The following CSPP1 variants were observed in gnomAD, a reference collection of about 807,000 sequenced individuals.
CSPP1 encodes centrosome and spindle pole-associated protein 1.
In CSPP1, 126 loss-of-function variants were observed where a neutral mutation model predicts 164.4. That is an observed-to-expected ratio of 0.77 (90% CI 0.66 to 0.89). The LOEUF (loss-of-function observed/expected upper bound fraction) is 0.89, where lower values mean the gene tolerates loss of function less well. Ranked by LOEUF, CSPP1 falls within the 40% of genes least tolerant of loss-of-function variation. The pLI is 0.00. For missense variants in CSPP1, 1,395 were observed against 1,449.8 expected (o/e 0.96, Z 0.61); for synonymous variants, 472 against 476.7 (o/e 0.99, Z 0.13).
intron 24 of CSPP1, 65 bp downstream of exon 24, chr8:67,164,573 A>G: frequency 1.3e-6 from 1 of 743,088 alleles, no homozygotes; most frequent in East Asian, 2.5e-5. Context: ...CCTATCCAGT[A>G]ATTTTGTAGT....
chr8:67,133,401 A>C (rs922452769), intron 16 of CSPP1, among the ~76,000 whole-genome samples: 1 of 152,230 alleles, frequency 6.6e-6, no homozygotes, highest in Non-Finnish European at 1.5e-5. Context: ...ATCACAATGA[A>C]ATGATTCACA....
chr8:67,075,996 T>G (rs950154840), intron 2 of CSPP1, among the ~76,000 whole-genome samples: 1 of 152,306 alleles, frequency 6.6e-6, no homozygotes, highest in Middle Eastern at 3.4e-3. Context: ...AATTTGTACA[T>G]AAATAATTTT....
rs376210928 is a variant in CSPP1, at chr8:67,137,574, C to T, written c.1946C>T (p.Pro649Leu). ...TGGGGAAAAGGTGGAGGTGGTGCTC[C>T]TCTCAGGGATGCAAAAGGAAATCTG... ...NPWGKGGGGA[P>L]LRDAKGNLIT... is the part of the protein sequence containing the mutation. The change falls in exon 17 of 31, where the codon CCT becomes CTT. Residue 649 changes from proline to leucine, a missense_variant. Physicochemically the swap from Pro to Leu is moderately conservative, Grantham distance 98. Coordinates refer to ENST00000678616, the MANE Select transcript of CSPP1 (RefSeq NM_001382391.1). 46 of 1,569,934 alleles carry T rather than the reference C, an allele frequency of 2.9e-5. No homozygotes were observed. The highest frequency in any genetic ancestry group is 3.7e-5 in the Non-Finnish European group (43 of 1,161,908).
intron 27 of CSPP1, among the ~76,000 whole-genome samples, chr8:67,179,080 T>TC (rs1832369594): frequency 6.6e-6 from 1 of 152,284 alleles, no homozygotes; most frequent in Admixed American, 6.5e-5. Context: ...TGCTGGAGTG[T>TC]CCTACTGAAG....
intron 24 of CSPP1, among the ~76,000 whole-genome samples, chr8:67,171,617 G>T (rs1201991992): frequency 6.7e-6 from 1 of 149,382 alleles, no homozygotes; most frequent in East Asian, 2.0e-4. Flanking sequence ...GCGTGATCTT[G>T]GCTCACCACA....
At chr8:67,071,954 CATAAA>C (rs961002583) in intron 1 of CSPP1, among the ~76,000 whole-genome samples, 1 of 152,102 alleles carries the variant, frequency 6.6e-6, no homozygotes. Context: ...TAAAAGGAAA[CATAAA>C]AGAAAATATT....
chr8:67,190,795 G>C lies in CSPP1; in HGVS notation c.3330+36G>C, dbSNP rs768515429. 6.2e-6 allele frequency: 9 copies of C among 1,452,176 alleles called. No homozygotes were observed. In the South Asian group the frequency reaches 9.1e-5, roughly 15 times the overall value. The allele number at this position is 1,452,176 out of a possible 1,614,324, so 90.0% of individuals were successfully genotyped here. A position where few individuals can be genotyped will look rare whatever the true frequency, so the allele number is the denominator to read the frequency against. ...GACTTTTCTCCCCCTTTTCAACTTA[G>C]AAGAATGAGAGGTCTGGGTTCTGAC... On this transcript the variant is annotated intron_variant, in intron 29 of 30. Transcript: ENST00000678616.
At chr8:67,081,632 CAAT>C (rs1220165001) in intron 3 of CSPP1, among the ~76,000 whole-genome samples, 3 of 152,174 alleles carry the variant, frequency 2.0e-5, no homozygotes, top group Non-Finnish European at 4.4e-5. Context: ...GTATTATTAA[CAAT>C]AATCAATATT....
At chr8:67,108,112 T>C (rs1816016540) in intron 9 of CSPP1, among the ~76,000 whole-genome samples, 1 of 151,752 alleles carries the variant, frequency 6.6e-6, no homozygotes, top group South Asian at 2.1e-4. Context: ...CATTTAAGGT[T>C]GGGTGTGGTG....
At chr8:67,169,580 C>T (rs1259399507) in intron 24 of CSPP1, among the ~76,000 whole-genome samples, 2 of 152,006 alleles carry the variant, frequency 1.3e-5, no homozygotes, top group African/African-American at 4.8e-5. Context: ...GCTGGGATTA[C>T]AAGTGCCCAC....
chr8:67,068,824 AC>A (rs990411598), intron 1 of CSPP1, among the ~76,000 whole-genome samples: 4 of 152,248 alleles, frequency 2.6e-5, no homozygotes, highest in African/African-American at 4.8e-5. Context: ...CAAGACAAAA[AC>A]ATTCCATCAG....
At chr8:67,117,458 AT>A (rs1376503472) in intron 13 of CSPP1, among the ~76,000 whole-genome samples, 5 of 152,186 alleles carry the variant, frequency 3.3e-5, no homozygotes, top group South Asian at 2.1e-4. Flanking sequence ...TGCCTTTGCC[AT>A]TTTTACTACT....
intron 4 of CSPP1, among the ~76,000 whole-genome samples, chr8:67,089,792 A>T (rs1245717062): frequency 6.6e-6 from 1 of 151,686 alleles, no homozygotes; most frequent in Non-Finnish European, 1.5e-5. Flanking sequence ...TTTTTTTAAG[A>T]ATTAAAGTTT....
intron 9 of CSPP1, among the ~76,000 whole-genome samples, chr8:67,109,194 C>G (rs529587408): frequency 6.6e-6 from 1 of 152,272 alleles, no homozygotes; most frequent in South Asian, 2.1e-4. Flanking sequence ...TAAGCTAATT[C>G]AGGTTGTTGG....
chr8:67,111,560 C>A (rs1027911223), intron 9 of CSPP1, among the ~76,000 whole-genome samples: 4 of 152,086 alleles, frequency 2.6e-5, no homozygotes. Flanking sequence ...GATTTTGAGG[C>A]TCCAGTATTG....
intron 23 of CSPP1, 36 bp from the exon 24 acceptor site, chr8:67,164,355 C>A: frequency 1.0e-6 from 1 of 962,656 alleles, no homozygotes; most frequent in South Asian, 1.3e-5. Flanking sequence ...GTTCTTATTC[C>A]TGTCTTGTGT....
intron 15 of CSPP1, among the ~76,000 whole-genome samples, chr8:67,127,295 A>G (rs1366868767): frequency 1.3e-5 from 2 of 152,204 alleles, no homozygotes; most frequent in South Asian, 2.1e-4. Context: ...TTGGAGACAT[A>G]GAAGTCCAGG....
intron 4 of CSPP1, among the ~76,000 whole-genome samples, chr8:67,088,832 G>C (rs1161244576): frequency 6.6e-6 from 1 of 151,240 alleles, no homozygotes; most frequent in Non-Finnish European, 1.5e-5. Context: ...TGGAGGCGGA[G>C]CTTGCAGTGA....
chr8:67,104,260 GTTTT>G (rs374929933), intron 8 of CSPP1, among the ~76,000 whole-genome samples: 1 of 140,876 alleles, frequency 7.1e-6, no homozygotes, highest in Non-Finnish European at 1.6e-5. Flanking sequence ...TCCAAGAAAG[GTTTT>G]TTTTTTTTTT....
Sources: gnomAD v4.1 joint callset for allele counts (sites outside exome capture counted in the v4.1 genomes callset) on GRCh38, gnomAD v4.1.1 for gene constraint, MANE v1.5 for transcripts, NCBI Gene and HGNC (gene_info 2026-07-23, HGNC 2026-07-21) for gene names.